The following CIMIP5 variants were observed in gnomAD, a reference collection of about 807,000 sequenced individuals.
CIMIP5 encodes ciliary microtubule inner protein 5.
chr2:11,141,799 C>A, the CIMIP5 span, among the ~76,000 whole-genome samples: 1 of 151,650 alleles, frequency 6.6e-6, no homozygotes, highest in Non-Finnish European at 1.5e-5. Flanking sequence ...CATAGGGAGA[C>A]CCTGTCTCTA....
At chr2:11,140,551 T>C in the CIMIP5 span, 30 of 1,565,348 alleles carry the variant, frequency 1.9e-5, no homozygotes, top group Middle Eastern at 3.4e-4. Flanking sequence ...GACCCAATGG[T>C]AAGGTAAAAT....
At chr2:11,138,894 C>T in the CIMIP5 span, among the ~76,000 whole-genome samples, 9 of 151,972 alleles carry the variant, frequency 5.9e-5, no homozygotes, top group African/African-American at 2.2e-4. Flanking sequence ...GCCAATTACA[C>T]CTTCTTTTTT....
chr2:11,142,495 G>A, the CIMIP5 span, among the ~76,000 whole-genome samples: 1 of 152,118 alleles, frequency 6.6e-6, no homozygotes, highest in African/African-American at 2.4e-5. Flanking sequence ...CTTCCAGCCT[G>A]TAAGAGTCTC....
At chr2:11,144,329 T>G in the CIMIP5 span, 1 of 351,104 alleles carries the variant, frequency 2.8e-6, no homozygotes, top group East Asian at 4.4e-5. Context: ...GGCCGTACAA[T>G]CCCCAGCCCT....
chr2:11,150,309 T>C, the CIMIP5 span, among the ~76,000 whole-genome samples: 1 of 147,134 alleles, frequency 6.8e-6, no homozygotes, highest in African/African-American at 2.5e-5. Context: ...GCAAGTGGCT[T>C]AACGAAAAAT....
chr2:11,153,204 G>T, the CIMIP5 span, among the ~76,000 whole-genome samples: 1 of 151,758 alleles, frequency 6.6e-6, no homozygotes, highest in African/African-American at 2.4e-5. Flanking sequence ...GAGCCAGGAA[G>T]AAACCTCTTC....
the CIMIP5 span, chr2:11,133,597 T>C: frequency 3.2e-6 from 5 of 1,580,580 alleles, no homozygotes; most frequent in Admixed American, 5.4e-5. Flanking sequence ...CGCTGGTGAG[T>C]ACCTGCCCTC....
the CIMIP5 span, among the ~76,000 whole-genome samples, chr2:11,139,323 G>A: frequency 0.27 from 41,291 of 152,100 alleles, 5,803 homozygotes; most frequent in East Asian, 0.43. Context: ...GGATGCAAAG[G>A]CCTGAAGAAA....
chr2:11,136,731 G>A, the CIMIP5 span, among the ~76,000 whole-genome samples: 1,486 of 152,334 alleles, frequency 9.8e-3, 14 homozygotes, highest in Non-Finnish European at 0.015. Context: ...ATTTAATTGT[G>A]TCCTTTAAAA....
chr2:11,139,334 C>T, the CIMIP5 span, among the ~76,000 whole-genome samples: 4 of 152,178 alleles, frequency 2.6e-5, no homozygotes, highest in Non-Finnish European at 5.9e-5. Context: ...CCTGAAGAAA[C>T]AGCTAAAAGG....
At chr2:11,133,576 G>T in the CIMIP5 span, 1 of 1,601,952 alleles carries the variant, frequency 6.2e-7, no homozygotes. Context: ...GCCGAGCGGC[G>T]GGGCCAGCAG....
the CIMIP5 span, chr2:11,143,780 G>A: frequency 1.4e-6 from 1 of 691,836 alleles, no homozygotes; most frequent in Non-Finnish European, 2.2e-6. Context: ...CACTCTTGGG[G>A]GATCCCAAGT....
chr2:11,145,029 GC>G, the CIMIP5 span: 1 of 151,396 alleles, frequency 6.6e-6, no homozygotes, highest in African/African-American at 2.4e-5. Flanking sequence ...TGTCGCCTAG[GC>G]TGGAGTGCAA....
At chr2:11,150,792 A>T in the CIMIP5 span, among the ~76,000 whole-genome samples, 3 of 151,810 alleles carry the variant, frequency 2.0e-5, no homozygotes, top group East Asian at 5.8e-4. Context: ...AAACAGCTAC[A>T]TGCCTCCCTC....
the CIMIP5 span, among the ~76,000 whole-genome samples, chr2:11,141,184 A>G: frequency 1.0e-4 from 13 of 127,400 alleles, no homozygotes; most frequent in African/African-American, 3.1e-4. Flanking sequence ...GCTGGAGTGC[A>G]GTGGTGCAAT....
the CIMIP5 span, among the ~76,000 whole-genome samples, chr2:11,140,191 C>T: frequency 2.0e-5 from 3 of 150,058 alleles, no homozygotes; most frequent in Non-Finnish European, 3.0e-5. Flanking sequence ...ATCGAGACCA[C>T]GGTGAAACCC....
chr2:11,147,904 C>T, the CIMIP5 span, among the ~76,000 whole-genome samples: 4 of 152,234 alleles, frequency 2.6e-5, no homozygotes, highest in Middle Eastern at 3.4e-3. Flanking sequence ...CCTTTCAGCT[C>T]GTTTGGGCCA....
chr2:11,140,149 A>T, the CIMIP5 span, among the ~76,000 whole-genome samples: 1 of 147,168 alleles, frequency 6.8e-6, no homozygotes, highest in Non-Finnish European at 1.5e-5. Context: ...GCACTTTGGG[A>T]GGCCGAGGCG....
At chr2:11,134,595 T>C in the CIMIP5 span, among the ~76,000 whole-genome samples, 1 of 152,206 alleles carries the variant, frequency 6.6e-6, no homozygotes, top group Non-Finnish European at 1.5e-5. Flanking sequence ...TCCATGTCTG[T>C]TTTGTTAGTA....
Sources: gnomAD v4.1 joint callset for allele counts (sites outside exome capture counted in the v4.1 genomes callset) on GRCh38, gnomAD v4.1.1 for gene constraint, MANE v1.5 for transcripts, NCBI Gene and HGNC (gene_info 2026-07-23, HGNC 2026-07-21) for gene names.